The following COL19A1 variants were observed in gnomAD, a reference collection of about 807,000 sequenced individuals.
The protein encoded by COL19A1 is collagen type XIX alpha 1 chain.
A neutral mutation model predicts 190.2 loss-of-function variants in COL19A1; 159 were observed. That is an observed-to-expected ratio of 0.84 (90% CI 0.73 to 0.95). The LOEUF (loss-of-function observed/expected upper bound fraction) is 0.95. Ranked by LOEUF, COL19A1 falls within the 40% of genes least tolerant of loss-of-function variation. The probability of loss-of-function intolerance (pLI) is 0.00; values close to 1 mark genes in which losing one functional copy is unlikely to be tolerated. For synonymous variants in COL19A1, 509 were observed against 458.9 expected (o/e 1.11, Z -1.39); for missense variants, 1,418 against 1,431.9 (o/e 0.99, Z 0.16).
At chr6:69,921,445 C>CATATATATCATATATCAT (rs1554166250) in intron 4 of COL19A1, among the ~76,000 whole-genome samples, 604 of 27,144 alleles carry the variant, frequency 0.022, 35 homozygotes, top group African/African-American at 0.076. Flanking sequence ...TCATATATAT[C>CATATATATCATATATCAT]ATATATCATA....
intron 35 of COL19A1, 57 bp from the exon 36 acceptor site, chr6:70,163,286 T>C: frequency 6.6e-7 from 1 of 1,515,702 alleles, no homozygotes; most frequent in Non-Finnish European, 9.1e-7. Context: ...CAACTTCCAA[T>C]ACCCTTTGGC....
chr6:69,870,749 A>G (rs941181380), intron 1 of COL19A1, among the ~76,000 whole-genome samples: 1 of 152,174 alleles, frequency 6.6e-6, no homozygotes, highest in African/African-American at 2.4e-5. Context: ...GGTGGAAATA[A>G]AGGGAACAAG....
At chr6:69,975,753 T>C (rs1775679470) in intron 11 of COL19A1, among the ~76,000 whole-genome samples, 1 of 152,176 alleles carries the variant, frequency 6.6e-6, no homozygotes, top group South Asian at 2.1e-4. Flanking sequence ...GTAGCTAATA[T>C]AAATATTGAA....
At position 70,026,949 on chromosome 6, in the gene COL19A1, A is replaced by G. The variant is rs984318095; in HGVS notation, c.1080+3269A>G. Among the ~76,000 whole-genome samples, 3 of 152,324 alleles carry G rather than the reference A, an allele frequency of 2.0e-5. No homozygotes were observed. The South Asian group carries it at 6.2e-4, about 32-fold the overall frequency. ...ATCATTGCTTATTTTTCAGTGCTAA[A>G]AAAACTGAGTCTGCAAACTAAAGTA... On this transcript the variant is annotated intron_variant, in intron 12 of 50. Transcript: ENST00000620364.
chr6:70,050,761 C>T (rs1485576132), intron 14 of COL19A1, among the ~76,000 whole-genome samples: 2 of 152,028 alleles, frequency 1.3e-5, no homozygotes, highest in Non-Finnish European at 2.9e-5. Context: ...ATATTAATGT[C>T]ACTTACTACC....
At chr6:70,141,801 T>C in intron 20 of COL19A1, 92 bp from the exon 21 acceptor site, 2 of 832,362 alleles carry the variant, frequency 2.4e-6, no homozygotes, top group Non-Finnish European at 4.0e-6. Context: ...TTTTATTGTA[T>C]GTTAATTAGT....
chr6:70,025,100 G>A (rs1225360046), intron 12 of COL19A1, among the ~76,000 whole-genome samples: 7 of 150,350 alleles, frequency 4.7e-5, no homozygotes, highest in Admixed American at 1.3e-4. Context: ...GCATGATCTC[G>A]GCTCACTGCA....
At chr6:70,094,945 T>C (rs1462994655) in intron 15 of COL19A1, among the ~76,000 whole-genome samples, 1 of 152,178 alleles carries the variant, frequency 6.6e-6, no homozygotes, top group Non-Finnish European at 1.5e-5. Context: ...AAGAAAAATG[T>C]GAATGTCATA....
intron 4 of COL19A1, among the ~76,000 whole-genome samples, chr6:69,921,356 AATCATATATATCATATAT>A (rs1187631426): frequency 3.3e-5 from 3 of 90,384 alleles, no homozygotes; most frequent in East Asian, 5.5e-4. Context: ...CATATATCAT[AATCATATATATCATATAT>A]ATCATATATA....
chr6:69,994,041 T>C (rs73484243), intron 11 of COL19A1, among the ~76,000 whole-genome samples: 3,325 of 152,134 alleles, frequency 0.022, 100 homozygotes, highest in African/African-American at 0.066. Context: ...CTAGGTGTGA[T>C]GTTTGTTTGT....
chr6:70,204,365 T>G (rs12192985), intron 49 of COL19A1, among the ~76,000 whole-genome samples: 35,482 of 152,138 alleles, frequency 0.23, 4,999 homozygotes, highest in East Asian at 0.43. Flanking sequence ...TACGGCTTTA[T>G]GGCAGCCTTC....
intron 9 of COL19A1, among the ~76,000 whole-genome samples, chr6:69,940,044 G>A (rs1773373111): frequency 6.6e-6 from 1 of 150,454 alleles, no homozygotes; most frequent in Non-Finnish European, 1.5e-5. Flanking sequence ...AATTTCATGT[G>A]TTGCTTTTAG....
intron 16 of COL19A1, among the ~76,000 whole-genome samples, chr6:70,109,617 A>G (rs1784174758): frequency 6.6e-6 from 1 of 150,956 alleles, no homozygotes; most frequent in Admixed American, 6.6e-5. Flanking sequence ...ATGTGATGAA[A>G]TTACTGTTCC....
chr6:69,921,800 GTATATTCGTATGTAGATTCGTATA>G (rs1561999701), intron 4 of COL19A1, among the ~76,000 whole-genome samples: 13 of 143,336 alleles, frequency 9.1e-5, no homozygotes, highest in South Asian at 4.3e-4. Flanking sequence ...ATTCGTATAT[GTATATTCGTATGTAGATTCGTATA>G]TATATTCGTA....
At chr6:69,987,073 T>C (rs1254151672) in intron 11 of COL19A1, among the ~76,000 whole-genome samples, 1 of 152,004 alleles carries the variant, frequency 6.6e-6, no homozygotes, top group Admixed American at 6.6e-5. Context: ...GGCATGACTT[T>C]TGATATTCCT....
At chr6:69,994,235 C>A (rs1218625462) in intron 11 of COL19A1, among the ~76,000 whole-genome samples, 2 of 152,026 alleles carry the variant, frequency 1.3e-5, no homozygotes, top group Non-Finnish European at 2.9e-5. Context: ...ATCTGAAGCT[C>A]CAAAAAGTTG....
At chr6:70,152,674 G>A (rs757567150) in intron 31 of COL19A1, among the ~76,000 whole-genome samples, 2 of 152,054 alleles carry the variant, frequency 1.3e-5, no homozygotes, top group Non-Finnish European at 2.9e-5. Context: ...TGAGAGACCA[G>A]AAGTTCTCAG....
intron 1 of COL19A1, among the ~76,000 whole-genome samples, chr6:69,868,486 G>A (rs184765900): frequency 1.3e-5 from 2 of 152,296 alleles, no homozygotes; most frequent in Admixed American, 1.3e-4. Context: ...GGGATAGAAA[G>A]TGGAGAAAGT....
At chr6:69,895,181 G>A (rs1561971662) in intron 2 of COL19A1, among the ~76,000 whole-genome samples, 1 of 152,132 alleles carries the variant, frequency 6.6e-6, no homozygotes, top group Non-Finnish European at 1.5e-5. Context: ...AGGGTGTGGG[G>A]ATCGGCATGG....
Sources: allele counts gnomAD v4.1 joint callset (sites outside exome capture counted in the v4.1 genomes callset), GRCh38; gene constraint gnomAD v4.1.1; transcripts MANE v1.5; gene names NCBI Gene and HGNC (gene_info 2026-07-23, HGNC 2026-07-21).